The following RHOBTB2 variants were observed in gnomAD, a reference collection of about 807,000 sequenced individuals.
The protein encoded by RHOBTB2 is Rho related BTB domain containing 2.
In RHOBTB2, 39 loss-of-function variants were observed where a neutral mutation model predicts 66.5. The observed-to-expected ratio is 0.59, with a 90% CI of 0.45 to 0.77. The LOEUF is 0.77. RHOBTB2 is among the 30% of genes least tolerant of loss of function. RHOBTB2 has a pLI of 0.00. For synonymous variants in RHOBTB2, 390 were observed against 395.0 expected (o/e 0.99, Z 0.15); for missense variants, 755 against 999.1 (o/e 0.76, Z 3.29).
At chr8:22,963,632 A>T in the RHOBTB2 span, among the ~76,000 whole-genome samples, 1 of 152,194 alleles carries the variant, frequency 6.6e-6, no homozygotes, top group African/African-American at 2.4e-5. Context: ...AAGAGGTTTA[A>T]TTGGGCTTAC....
At chr8:22,968,370 TA>T in the RHOBTB2 span, among the ~76,000 whole-genome samples, 9 of 152,208 alleles carry the variant, frequency 5.9e-5, no homozygotes, top group Non-Finnish European at 8.8e-5. Flanking sequence ...CTTAACTTTT[TA>T]AAAAAATATC....
At position 23,004,264 on chromosome 8, in the gene RHOBTB2, G is replaced by A. The variant is rs964844325; in HGVS notation, c.-10-161G>A. 2 of 661,238 alleles carry A rather than the reference G, an allele frequency of 3.0e-6. No individual in the cohort carries two copies. The highest frequency in any genetic ancestry group is 1.8e-5 in the African/African-American group (1 of 56,182). The allele number at this position is 661,238 out of a possible 1,614,324, so 41.0% of individuals were successfully genotyped here. A position where few individuals can be genotyped will look rare whatever the true frequency, so the allele number is the denominator to read the frequency against. On this transcript the variant is annotated intron_variant, in intron 1 of 9. Coordinates refer to ENST00000251822, the MANE Select transcript of RHOBTB2 (RefSeq NM_015178.3). This position sits in a 1 kb window ranked among gnomAD's most constrained non-coding sequence, Gnocchi z 6.4. ...TGGGCTCCTGGCCCCTTGGACCCTC[G>A]CAGAGCTCTTGCCCAGAACGTTGCC...
At chr8:22,988,700 A>C (rs1810348460) in intron 1 of RHOBTB2, among the ~76,000 whole-genome samples, 2 of 152,176 alleles carry the variant, frequency 1.3e-5, no homozygotes, top group African/African-American at 4.8e-5. Context: ...AGGGCAACAG[A>C]GACCCCCAAC....
Position 23,010,411 on chromosome 8 carries a change from C to T in RHOBTB2, c.1621-127C>T, listed in dbSNP as rs78939013. On this transcript the variant is annotated intron_variant, in intron 6 of 9. Coordinates refer to ENST00000251822, the MANE Select transcript of RHOBTB2 (RefSeq NM_015178.3). ...GTCTTCTCAGCAGATACACATGCAG[C>T]ACAGGGAAGGCTGCCCGTCTGGGGG... The T allele has an allele frequency of 1.0e-3, 1,109 of 1,065,034 alleles. 2 individuals carry two copies. Among genetic ancestry groups the T allele is most frequent in the Non-Finnish European group, 1.2e-3 (920 of 739,288 alleles). 66.0% of individuals were successfully genotyped at this position (1,065,034 alleles called of 1,614,324 possible).
At position 23,005,438 on chromosome 8, in the gene RHOBTB2, G is replaced by A. The variant is rs1810918668; in HGVS notation, c.259G>A (p.Gly87Arg). Residue 87 changes from glycine to arginine, a missense_variant, in exon 3 of 10, where the codon GGA (glycine) becomes AGA (arginine). By Grantham distance (125) the Gly-to-Arg change is moderately radical. This residue lies in a region of RHOBTB2 where 65 missense variants were observed against 152.4 expected (regional missense o/e 0.43). Transcript: ENST00000251822. ...CTCTCTGCGCCTCTGGGACACCTTT[G>A]GAGACCACCACAAAGACCGTCGCTT... is the stretch of plus-strand genomic sequence containing the variant. Reference protein sequence around the residue: ...SVSLRLWDTFGDHHKDRRFAY... With the variant: ...SVSLRLWDTFRDHHKDRRFAY... The A allele has an allele frequency of 6.2e-7, 1 of 1,613,900 alleles. No individual in the cohort carries two copies. Among genetic ancestry groups the A allele is most frequent in the Non-Finnish European group, 8.5e-7 (1 of 1,179,920 alleles).
the RHOBTB2 span, among the ~76,000 whole-genome samples, chr8:22,968,023 G>A: frequency 2.0e-5 from 3 of 152,154 alleles, no homozygotes; most frequent in South Asian, 6.2e-4. Context: ...CAGCAAGGTG[G>A]TGCGCGCCTG....
chr8:23,003,574 G>A (rs1490505840), intron 1 of RHOBTB2, among the ~76,000 whole-genome samples: 28 of 152,244 alleles, frequency 1.8e-4, no homozygotes, highest in Admixed American at 1.8e-3. Context: ...ACTCTCTGAC[G>A]CTGGGGGCAG....
chr8:22,994,894 T>G (rs1046247908), upstream of RHOBTB2, among the ~76,000 whole-genome samples: 5 of 152,054 alleles, frequency 3.3e-5, no homozygotes, highest in Non-Finnish European at 7.4e-5. Context: ...GCCTCCCGAG[T>G]AGCTGGGATT....
chr8:23,004,534 C>T lies in RHOBTB2; in HGVS notation c.100C>T (p.Arg34Cys), dbSNP rs1810889654. Residue 34 changes from arginine to cysteine, a missense_variant, in exon 2 of 10, where the codon CGC becomes TGC. By Grantham distance (180) the Arg-to-Cys change is radical. This residue lies in a region of RHOBTB2 where 65 missense variants were observed against 152.4 expected (regional missense o/e 0.43). Transcript: ENST00000251822. The surrounding 1 kb of genome is among the most constrained non-coding windows in gnomAD (Gnocchi z 6.4). ...GGGTAAGACCAGGCTCATCTGTGCCCGCGCTTGCAATGCCACCCTCACCCA... is the reference window on the plus strand; with the variant it reads ...GGGTAAGACCAGGCTCATCTGTGCCTGCGCTTGCAATGCCACCCTCACCCA... ...AVGKTRLICA[R>C]ACNATLTQYQ... is the part of the protein sequence containing the mutation. The T allele has an allele frequency of 5.0e-6, 8 of 1,614,186 alleles. No homozygotes were observed. Among genetic ancestry groups the T allele is most frequent in the South Asian group, 1.1e-5 (1 of 91,088 alleles).
chr8:22,956,628 C>T, the RHOBTB2 span, among the ~76,000 whole-genome samples: 1 of 152,084 alleles, frequency 6.6e-6, no homozygotes, highest in African/African-American at 2.4e-5. Flanking sequence ...TCAATTAAAC[C>T]TTTCTAAATT....
At chr8:22,970,435 A>G in the RHOBTB2 span, among the ~76,000 whole-genome samples, 5 of 152,204 alleles carry the variant, frequency 3.3e-5, no homozygotes, top group Admixed American at 2.6e-4. Context: ...AGACCATAGC[A>G]TACACCATTA....
At chr8:23,001,801 TACAA>T (rs10585946) in intron 1 of RHOBTB2, among the ~76,000 whole-genome samples, 7,926 of 152,072 alleles carry the variant, frequency 0.052, 661 homozygotes, top group African/African-American at 0.18. Flanking sequence ...GGTGAGATGA[TACAA>T]ACAGAGAGGC....
chr8:22,959,920 T>C, the RHOBTB2 span, among the ~76,000 whole-genome samples: 1 of 149,832 alleles, frequency 6.7e-6, no homozygotes, highest in African/African-American at 2.5e-5. Flanking sequence ...TCCCAGCACA[T>C]TGAGAGGCTG....
chr8:22,993,667 G>C (rs187859625), intron 2 of RHOBTB2, among the ~76,000 whole-genome samples: 16 of 152,312 alleles, frequency 1.1e-4, no homozygotes, highest in African/African-American at 3.6e-4. Flanking sequence ...CCTCTGCGTT[G>C]GTTTCTTTTC....
the RHOBTB2 span, among the ~76,000 whole-genome samples, chr8:22,965,141 T>A: frequency 6.6e-6 from 1 of 152,168 alleles, no homozygotes; most frequent in Non-Finnish European, 1.5e-5. Flanking sequence ...AGAATCTCAT[T>A]TCTAGGCTGA....
upstream of RHOBTB2, chr8:22,995,980 C>A: frequency 8.5e-7 from 1 of 1,179,440 alleles, no homozygotes; most frequent in Non-Finnish European, 1.2e-6. Context: ...CTGCGTTGGG[C>A]TGGCACTGGG....
At chr8:22,982,084 T>C in the RHOBTB2 span, among the ~76,000 whole-genome samples, 5 of 152,246 alleles carry the variant, frequency 3.3e-5, no homozygotes, top group African/African-American at 1.2e-4. Context: ...AGCAGCCACC[T>C]GCTTGCTCCA....
At chr8:22,952,797 T>C in the RHOBTB2 span, among the ~76,000 whole-genome samples, 1 of 151,920 alleles carries the variant, frequency 6.6e-6, no homozygotes, top group Admixed American at 6.6e-5. Flanking sequence ...CCCAGCTACA[T>C]GGGAGGCTGA....
chr8:23,004,904 TA>T lies in RHOBTB2; in HGVS notation c.192+280del. The T allele has an allele frequency of 5.8e-6, 3 of 519,814 alleles. No homozygotes were observed. In the East Asian group the frequency reaches 1.0e-4, roughly 18 times the overall value. The allele number at this position is 519,814 out of a possible 1,614,324, so 32.2% of individuals were successfully genotyped here. A position where few individuals can be genotyped will look rare whatever the true frequency, so the allele number is the denominator to read the frequency against. On this transcript the variant is annotated intron_variant, in intron 2 of 9. Transcript: ENST00000251822. This position sits in a 1 kb window ranked among gnomAD's most constrained non-coding sequence, Gnocchi z 6.4. The stretch of plus-strand genomic sequence containing the variant: ...ACCGCATTGTATGTAGTCACAGCCT[TA>T]AGTAATGGGGAGCACTGGAGGGCTG...
Sources: allele counts gnomAD v4.1 joint callset (sites outside exome capture counted in the v4.1 genomes callset), GRCh38; gene constraint gnomAD v4.1.1; regional missense constraint gnomAD v4.1.1; non-coding constraint Gnocchi (gnomAD v3.1); transcripts MANE v1.5; gene names NCBI Gene and HGNC (gene_info 2026-07-23, HGNC 2026-07-21).